Variants in TJP1 observed in about 807,000 individuals in gnomAD.
TJP1 encodes tight junction protein ZO-1.
A neutral mutation model predicts 194.2 loss-of-function variants in TJP1; 43 were observed. The ratio of observed to expected loss-of-function variants is 0.22; its 90% CI spans 0.17 to 0.29. The LOEUF (loss-of-function observed/expected upper bound fraction) is 0.29, where lower values mean the gene tolerates loss of function less well. Among genes scored for constraint, TJP1 ranks in the 10% least tolerant of loss-of-function variants. The pLI is 1.00. For missense variants in TJP1, 1,971 were observed against 2,185.7 expected (o/e 0.90, Z 1.96); for synonymous variants, 801 against 779.0 (o/e 1.03, Z -0.47).
At chr15:29,769,837 T>C (rs1018359260) in intron 4 of TJP1, among the ~76,000 whole-genome samples, 3 of 152,240 alleles carry the variant, frequency 2.0e-5, no homozygotes, top group Non-Finnish European at 4.4e-5. Context: ...ATAATGACTA[T>C]GTTACTGGTT....
chr15:29,921,559 C>T (rs888720330), intron 2 of TJP1, among the ~76,000 whole-genome samples: 3 of 152,180 alleles, frequency 2.0e-5, no homozygotes, highest in Non-Finnish European at 4.4e-5. Context: ...TGTGTGGGCA[C>T]AGCTCTCACG....
intron 2 of TJP1, among the ~76,000 whole-genome samples, chr15:29,933,573 G>A (rs758533177): frequency 2.6e-5 from 4 of 152,088 alleles, no homozygotes; most frequent in South Asian, 2.1e-4. Flanking sequence ...TGGAGTAAAC[G>A]TCTGATTACA....
chr15:29,761,269 A>G lies in TJP1; in HGVS notation c.880T>C (p.Ser294Pro). ...SERDDISEIQ[S>P]LASDHSGRSH... is the part of the protein sequence containing the mutation. Reference sequence around the variant, plus strand: ...CGACCAGAATGATCTGATGCCAGTGACTGAATTTCTGAAATGTCTGTTAAT... The same window carrying G: ...CGACCAGAATGATCTGATGCCAGTGGCTGAATTTCTGAAATGTCTGTTAAT... The change falls in exon 8 of 28, where the codon TCA becomes CCA. Residue 294 changes from serine to proline, a missense_variant. This residue lies in a region of TJP1 where 192 missense variants were observed against 182.3 expected (regional missense o/e 1.05). Transcript: ENST00000614355. The G allele has an allele frequency of 1.2e-6, 2 of 1,613,600 alleles. No homozygotes were observed. Among genetic ancestry groups the G allele is most frequent in the Non-Finnish European group, 1.7e-6 (2 of 1,179,884 alleles).
chr15:29,774,266 G>A (rs2046873227), intron 2 of TJP1, among the ~76,000 whole-genome samples: 1 of 151,942 alleles, frequency 6.6e-6, no homozygotes, highest in South Asian at 2.1e-4. Context: ...CATGAATAGT[G>A]CATACATCAC....
chr15:29,872,180 C>T (rs1596151752), intron 2 of TJP1, among the ~76,000 whole-genome samples: 1 of 152,296 alleles, frequency 6.6e-6, no homozygotes, highest in South Asian at 2.1e-4. Flanking sequence ...ACAGTCAGCT[C>T]TGCTTGTTTT....
At chr15:29,937,535 G>T (rs2054924199) in intron 2 of TJP1, among the ~76,000 whole-genome samples, 1 of 152,176 alleles carries the variant, frequency 6.6e-6, no homozygotes, top group Non-Finnish European at 1.5e-5. Context: ...CTTCATGAAT[G>T]TACCACACAG....
intron 2 of TJP1, among the ~76,000 whole-genome samples, chr15:29,875,133 G>C (rs894321771): frequency 2.0e-5 from 3 of 152,150 alleles, no homozygotes; most frequent in Non-Finnish European, 4.4e-5. Flanking sequence ...CAGTTACCTA[G>C]CAGTTCCTTA....
At chr15:29,812,573 A>G (rs1408392517) in intron 1 of TJP1, among the ~76,000 whole-genome samples, 1 of 152,174 alleles carries the variant, frequency 6.6e-6, no homozygotes, top group East Asian at 1.9e-4. Flanking sequence ...TTTCTGGTCT[A>G]AGACTTACCT....
intron 2 of TJP1, among the ~76,000 whole-genome samples, chr15:29,836,200 A>G (rs1395770436): frequency 6.6e-6 from 1 of 152,162 alleles, no homozygotes; most frequent in Non-Finnish European, 1.5e-5. Flanking sequence ...GAGGTGGATC[A>G]GGAAGCCAGT....
intron 25 of TJP1, among the ~76,000 whole-genome samples, chr15:29,707,194 G>C (rs2041952865): frequency 6.6e-6 from 1 of 152,148 alleles, no homozygotes; most frequent in African/African-American, 2.4e-5. Flanking sequence ...GATTAACTTA[G>C]TAATCACAGA....
At chr15:29,744,344 A>G (rs2044623891) in intron 8 of TJP1, among the ~76,000 whole-genome samples, 1 of 152,220 alleles carries the variant, frequency 6.6e-6, no homozygotes, top group African/African-American at 2.4e-5. Flanking sequence ...TAGGTCATAC[A>G]CTATAATTCC....
At chr15:29,808,338 T>G (rs752542834) in intron 1 of TJP1, among the ~76,000 whole-genome samples, 1 of 152,198 alleles carries the variant, frequency 6.6e-6, no homozygotes, top group Admixed American at 6.5e-5. Context: ...GTTACCTTTG[T>G]GTATGAAGTA....
intron 15 of TJP1, among the ~76,000 whole-genome samples, chr15:29,729,838 AG>A (rs774289001): frequency 6.6e-6 from 1 of 151,250 alleles, no homozygotes; most frequent in African/African-American, 2.4e-5. Flanking sequence ...AAAAAAAAAA[AG>A]GTTACTGAGG....
chr15:29,785,570 T>C (rs1172128262), intron 2 of TJP1, among the ~76,000 whole-genome samples: 1 of 152,272 alleles, frequency 6.6e-6, no homozygotes, highest in African/African-American at 2.4e-5. Flanking sequence ...TTCCTCTCTG[T>C]TCCTATTGAA....
At chr15:29,734,689 T>C (rs947039212) in intron 11 of TJP1, among the ~76,000 whole-genome samples, 2 of 152,076 alleles carry the variant, frequency 1.3e-5, no homozygotes, top group African/African-American at 4.8e-5. Context: ...TTTCACCATG[T>C]TGGGCAGGTT....
chr15:29,954,047 G>A (rs993052917), intron 2 of TJP1, among the ~76,000 whole-genome samples: 7 of 152,048 alleles, frequency 4.6e-5, no homozygotes, highest in African/African-American at 1.7e-4. Context: ...TTTCACTTTT[G>A]AGACAGAGTC....
At chr15:29,831,093 A>G (rs2050824419) in intron 2 of TJP1, among the ~76,000 whole-genome samples, 1 of 152,220 alleles carries the variant, frequency 6.6e-6, no homozygotes, top group Non-Finnish European at 1.5e-5. Context: ...TAACCTATTG[A>G]ACACCCCTGG....
intron 2 of TJP1, among the ~76,000 whole-genome samples, chr15:29,841,116 G>A (rs751775839): frequency 5.9e-5 from 9 of 152,146 alleles, no homozygotes; most frequent in Non-Finnish European, 1.2e-4. Context: ...ACAAGAAGGT[G>A]GAATGTGACT....
At chr15:29,765,620 T>A (rs927159457) in intron 5 of TJP1, among the ~76,000 whole-genome samples, 2 of 152,114 alleles carry the variant, frequency 1.3e-5, no homozygotes, top group East Asian at 1.9e-4. Context: ...CAGGGCACAG[T>A]GGCTTCCCGC....
Sources: gnomAD v4.1 joint callset for allele counts (sites outside exome capture counted in the v4.1 genomes callset) on GRCh38, gnomAD v4.1.1 for gene constraint, gnomAD v4.1.1 regional missense constraint, MANE v1.5 for transcripts, NCBI Gene and HGNC (gene_info 2026-07-23, HGNC 2026-07-21) for gene names.